VAC14: variants seen among roughly 807,000 people sequenced by gnomAD.
The protein encoded by VAC14 is protein VAC14 homolog.
In VAC14, 47 loss-of-function variants were observed where a neutral mutation model predicts 85.3. That is an observed-to-expected ratio of 0.55 (90% CI 0.44 to 0.70). The LOEUF is 0.70. Ranked by LOEUF, VAC14 falls within the 30% of genes least tolerant of loss-of-function variation. VAC14 has a pLI of 0.00. For missense variants in VAC14, 861 were observed against 1,004.3 expected (o/e 0.86, Z 1.93); for synonymous variants, 447 against 430.5 (o/e 1.04, Z -0.47).
At chr16:70,739,402 C>T (rs968216207) in intron 13 of VAC14, among the ~76,000 whole-genome samples, 3 of 152,190 alleles carry the variant, frequency 2.0e-5, no homozygotes, top group Admixed American at 6.5e-5. Context: ...GAGGCATTGC[C>T]GTGGCCTGAG....
intron 13 of VAC14, among the ~76,000 whole-genome samples, chr16:70,736,735 T>A (rs1401381949): frequency 6.6e-6 from 1 of 152,212 alleles, no homozygotes; most frequent in Non-Finnish European, 1.5e-5. Context: ...CATCCTCAGC[T>A]GAGTGCAGCT....
chr16:70,694,108 C>A (rs2053657656), intron 17 of VAC14, among the ~76,000 whole-genome samples: 1 of 152,254 alleles, frequency 6.6e-6, no homozygotes, highest in African/African-American at 2.4e-5. Context: ...CGACTCAGGG[C>A]TGGGACGGTG....
chr16:70,698,675 A>G lies in VAC14; in HGVS notation c.1798T>C (p.Phe600Leu), dbSNP rs755172718. The change falls in exon 15 of 19, where the codon TTC becomes CTC. Residue 600 changes from phenylalanine to leucine, a missense_variant. By Grantham distance (22) the Phe-to-Leu change is conservative (BLOSUM62 0). Around this residue, in one of 3 missense-constraint regions of VAC14, gnomAD observed 69 missense variants for 139.0 expected, o/e 0.50. Coordinates refer to ENST00000261776, the MANE Select transcript of VAC14 (RefSeq NM_018052.5). ...NTILLTSTELFQLRNQLKDLK... is the reference protein window; with the variant it reads ...NTILLTSTELLQLRNQLKDLK... ...TCCTTCAGCTGGTTCCTTAGCTGGAAGAGCTCTGTGGAGGTCAGCAGGATG... is the reference window on the plus strand; with the variant it reads ...TCCTTCAGCTGGTTCCTTAGCTGGAGGAGCTCTGTGGAGGTCAGCAGGATG... The G allele has an allele frequency of 6.2e-7, 1 of 1,614,094 alleles. No homozygotes were observed. The highest frequency in any genetic ancestry group is 1.1e-5 in the South Asian group (1 of 91,078).
chr16:70,743,966 CTG>C (rs1311594797), intron 13 of VAC14, among the ~76,000 whole-genome samples: 1 of 152,074 alleles, frequency 6.6e-6, no homozygotes, highest in Non-Finnish European at 1.5e-5. Context: ...CAGAAACAGC[CTG>C]TGTGAATGAT....
At chr16:70,798,731 T>C (rs1302202497) in intron 1 of VAC14, among the ~76,000 whole-genome samples, 2 of 152,186 alleles carry the variant, frequency 1.3e-5, no homozygotes, top group African/African-American at 4.8e-5. Context: ...GGAGCAAAGC[T>C]GCAGAGCCTC....
rs796237786 is a variant in VAC14, at chr16:70,723,754, G to A, written c.1661+7741C>T. ...GGCTGGGGGAGGTGATGCTTCTCAGGTGTGCAGACAACAAAGAACGTGCTT... is the reference window on the plus strand; with the variant it reads ...GGCTGGGGGAGGTGATGCTTCTCAGATGTGCAGACAACAAAGAACGTGCTT... On this transcript the variant is annotated intron_variant, in intron 14 of 18. Transcript: ENST00000261776. Among the ~76,000 whole-genome samples, 46 of 152,254 alleles carry A rather than the reference G, an allele frequency of 3.0e-4. 1 individual carries two copies. The highest frequency in any genetic ancestry group is 9.9e-4 in the African/African-American group (41 of 41,538).
intron 13 of VAC14, among the ~76,000 whole-genome samples, chr16:70,741,430 C>T (rs1331535998): frequency 4.6e-5 from 7 of 152,262 alleles, no homozygotes; most frequent in African/African-American, 1.4e-4. Context: ...GCTCCCCTGG[C>T]TGTTCTCTTA....
intron 13 of VAC14, among the ~76,000 whole-genome samples, chr16:70,736,719 G>A (rs1029179257): frequency 1.2e-4 from 18 of 152,208 alleles, no homozygotes; most frequent in African/African-American, 3.9e-4. Context: ...CGCAGCAAGC[G>A]ATTCACATCC....
chr16:70,760,965 GTGTGTGT>G (rs1567577359), intron 12 of VAC14, among the ~76,000 whole-genome samples: 946 of 60,718 alleles, frequency 0.016, 76 homozygotes, highest in African/African-American at 0.056. Flanking sequence ...AAGAGAGGGT[GTGTGTGT>G]GTGTGTGTGT....
At chr16:70,740,183 A>G (rs978753561) in intron 13 of VAC14, among the ~76,000 whole-genome samples, 2 of 151,836 alleles carry the variant, frequency 1.3e-5, no homozygotes, top group African/African-American at 4.8e-5. Flanking sequence ...CTGGTCTCAA[A>G]CTCCTGACCT....
At chr16:70,785,244 G>A (rs2033994055) in intron 3 of VAC14, among the ~76,000 whole-genome samples, 1 of 152,228 alleles carries the variant, frequency 6.6e-6, no homozygotes, top group African/African-American at 2.4e-5. Flanking sequence ...GCATTCTGCA[G>A]GGGCAGCAGC....
chr16:70,774,343 G>A (rs1048054690), intron 9 of VAC14, among the ~76,000 whole-genome samples: 5 of 152,164 alleles, frequency 3.3e-5, no homozygotes, highest in African/African-American at 1.2e-4. Flanking sequence ...TTTCTCACGA[G>A]TAGGGAGTTG....
At chr16:70,770,563 C>G (rs1472554751) in intron 10 of VAC14, 1 of 152,246 alleles carries the variant, frequency 6.6e-6, no homozygotes, top group Non-Finnish European at 1.5e-5. Flanking sequence ...GCTGTTATTC[C>G]CAGCCAGTCT....
chr16:70,781,156 T>C (rs1050815788), intron 8 of VAC14, among the ~76,000 whole-genome samples: 1 of 151,948 alleles, frequency 6.6e-6, no homozygotes, highest in African/African-American at 2.4e-5. Flanking sequence ...GGCTCGTTCT[T>C]TCAAAAAGCC....
At chr16:70,789,978 T>C (rs1430871140) in intron 1 of VAC14, among the ~76,000 whole-genome samples, 4 of 152,168 alleles carry the variant, frequency 2.6e-5, no homozygotes, top group Admixed American at 1.3e-4. Context: ...CCTGTCTCCT[T>C]GTTTCAGGTC....
intron 14 of VAC14, among the ~76,000 whole-genome samples, chr16:70,713,035 G>GCT (rs2054069296): frequency 6.6e-6 from 1 of 152,118 alleles, no homozygotes; most frequent in Non-Finnish European, 1.5e-5. Context: ...GCCAGGAAAA[G>GCT]GTATTTTTAG....
intron 6 of VAC14, 39 bp from the exon 7 acceptor site, chr16:70,783,178 A>G: frequency 6.3e-7 from 1 of 1,598,398 alleles, no homozygotes; most frequent in Non-Finnish European, 8.6e-7. Context: ...AGCGAGGGTC[A>G]GCCAGGGCTG....
chr16:70,746,451 G>A (rs540081084), intron 12 of VAC14, among the ~76,000 whole-genome samples: 2 of 152,344 alleles, frequency 1.3e-5, no homozygotes, highest in South Asian at 4.1e-4. Context: ...GTAAAGGTGA[G>A]TCACAGCCAC....
chr16:70,780,030 T>C (rs1311748605), intron 9 of VAC14, among the ~76,000 whole-genome samples: 1 of 150,404 alleles, frequency 6.6e-6, no homozygotes, highest in Non-Finnish European at 1.5e-5. Flanking sequence ...TTTTTTTTTT[T>C]TTTTTTTTTG....
Sources: allele counts gnomAD v4.1 joint callset (sites outside exome capture counted in the v4.1 genomes callset), GRCh38; gene constraint gnomAD v4.1.1; regional missense constraint gnomAD v4.1.1; transcripts MANE v1.5; gene names NCBI Gene and HGNC (gene_info 2026-07-23, HGNC 2026-07-21).